Variants in DLGAP1 observed in about 807,000 individuals in gnomAD.
DLGAP1 encodes DLG associated protein 1.
DLGAP1 carries 11 observed loss-of-function variants against 90.8 expected under a neutral mutation model. The observed-to-expected ratio is 0.12, with a 90% CI of 0.08 to 0.20. The LOEUF (loss-of-function observed/expected upper bound fraction) is 0.20, where lower values mean the gene tolerates loss of function less well. DLGAP1 is among the 10% of genes least tolerant of loss of function. DLGAP1 has a pLI of 1.00. For synonymous variants in DLGAP1, 558 were observed against 540.7 expected (o/e 1.03, Z -0.44); for missense variants, 1,050 against 1,333.8 (o/e 0.79, Z 3.31).
intron 7 of DLGAP1, among the ~76,000 whole-genome samples, chr18:3,712,609 G>A (rs1216483366): frequency 1.3e-5 from 2 of 152,234 alleles, no homozygotes; most frequent in African/African-American, 4.8e-5. Flanking sequence ...ATTACAGGGA[G>A]ACAATATGGT....
intron 5 of DLGAP1, among the ~76,000 whole-genome samples, chr18:3,749,120 C>T (rs2063387935): frequency 6.6e-6 from 1 of 151,120 alleles, no homozygotes; most frequent in African/African-American, 2.4e-5. Flanking sequence ...TCCTCCTCCT[C>T]CTCTTCCTCC....
intron 7 of DLGAP1, among the ~76,000 whole-genome samples, chr18:3,641,442 C>T (rs2058934876): frequency 1.4e-5 from 2 of 147,842 alleles, no homozygotes; most frequent in South Asian, 4.2e-4. Context: ...GAGGCTGAGG[C>T]AGGAGAATCG....
intron 4 of DLGAP1, among the ~76,000 whole-genome samples, chr18:3,849,065 C>T (rs1039083722): frequency 5.3e-5 from 8 of 152,184 alleles, no homozygotes; most frequent in African/African-American, 1.9e-4. Flanking sequence ...TTTCTTTCTG[C>T]CTTTGCAAAC....
At chr18:4,073,757 A>G (rs904100528) in intron 2 of DLGAP1, among the ~76,000 whole-genome samples, 1 of 152,136 alleles carries the variant, frequency 6.6e-6, no homozygotes, top group Non-Finnish European at 1.5e-5. Context: ...ATAGGAGAAG[A>G]TATTTAGATA....
At chr18:3,952,765 G>C (rs1233181414) in intron 3 of DLGAP1, among the ~76,000 whole-genome samples, 1 of 152,188 alleles carries the variant, frequency 6.6e-6, no homozygotes, top group Non-Finnish European at 1.5e-5. Flanking sequence ...AGAGGGTACT[G>C]AACAGTTGTC....
Position 3,634,216 on chromosome 18 carries a change from C to G in DLGAP1, c.1592-51968G>C, listed in dbSNP as rs1202188786. Among the ~76,000 whole-genome samples, 3 of 145,298 alleles carry G rather than the reference C, an allele frequency of 2.1e-5. No homozygotes were observed. The East Asian group carries it at 8.3e-4, about 40-fold the overall frequency. On this transcript the variant is annotated intron_variant, in intron 7 of 12. Transcript: ENST00000315677. Reference sequence around the variant, plus strand: ...TTTAAAATAAGTTATCTTTGAACATCCCCCCCCACTATAAATTTGTATACT... The same window carrying G: ...TTTAAAATAAGTTATCTTTGAACATGCCCCCCCACTATAAATTTGTATACT...
At chr18:3,742,612 G>A in intron 5 of DLGAP1, 100 bp from the exon 6 acceptor site, 1 of 1,361,110 alleles carries the variant, frequency 7.3e-7, no homozygotes, top group Non-Finnish European at 1.0e-6. Context: ...CCTAAATACT[G>A]GGACAAATGA....
chr18:4,188,147 T>G (rs2077332100), intron 1 of DLGAP1, among the ~76,000 whole-genome samples: 1 of 152,162 alleles, frequency 6.6e-6, no homozygotes. Flanking sequence ...TTTCAAAAAT[T>G]TATGTTACCA....
intron 5 of DLGAP1, among the ~76,000 whole-genome samples, chr18:3,806,566 G>C (rs1011954464): frequency 6.6e-6 from 1 of 152,198 alleles, no homozygotes; most frequent in Non-Finnish European, 1.5e-5. Flanking sequence ...GTGAGTGATT[G>C]CATGAATATA....
intron 10 of DLGAP1, among the ~76,000 whole-genome samples, chr18:3,529,567 T>G (rs1942520696): frequency 6.6e-6 from 1 of 152,234 alleles, no homozygotes; most frequent in African/African-American, 2.4e-5. Context: ...ACATATTTAC[T>G]GATCCCCTGT....
intron 7 of DLGAP1, among the ~76,000 whole-genome samples, chr18:3,582,952 C>G (rs953213917): frequency 2.0e-5 from 3 of 150,554 alleles, no homozygotes; most frequent in Admixed American, 1.3e-4. Context: ...GAGGAGGTCT[C>G]TCTGTGTTGC....
intron 7 of DLGAP1, among the ~76,000 whole-genome samples, chr18:3,699,617 G>C (rs747344720): frequency 2.6e-5 from 4 of 152,064 alleles, no homozygotes; most frequent in Non-Finnish European, 4.4e-5. Flanking sequence ...ATGGGGGTCA[G>C]GGACCCACTT....
chr18:3,868,870 G>A (rs1170824210), intron 4 of DLGAP1, among the ~76,000 whole-genome samples: 1 of 152,130 alleles, frequency 6.6e-6, no homozygotes, highest in African/African-American at 2.4e-5. Flanking sequence ...GATATACCTG[G>A]CTTAGCGACT....
chr18:4,167,585 T>C (rs902687371), intron 1 of DLGAP1, among the ~76,000 whole-genome samples: 1 of 152,138 alleles, frequency 6.6e-6, no homozygotes, highest in Admixed American at 6.5e-5. Context: ...ATAATCATAG[T>C]TGGGGACTTC....
chr18:4,057,333 G>C, intron 2 of DLGAP1, among the ~76,000 whole-genome samples: 1 of 152,130 alleles, frequency 6.6e-6, no homozygotes. Flanking sequence ...GCTTTAACTG[G>C]TATATGACCT....
intron 2 of DLGAP1, among the ~76,000 whole-genome samples, chr18:4,059,011 A>T (rs2075262803): frequency 6.6e-6 from 1 of 152,244 alleles, no homozygotes; most frequent in Non-Finnish European, 1.5e-5. Context: ...GGCTAGTCTG[A>T]GGCTAACAGA....
intron 2 of DLGAP1, among the ~76,000 whole-genome samples, chr18:4,077,232 A>G (rs1004703172): frequency 2.0e-5 from 3 of 152,196 alleles, no homozygotes; most frequent in African/African-American, 7.2e-5. Flanking sequence ...TTTTGGTGAC[A>G]CCAATTTAAA....
intron 1 of DLGAP1, among the ~76,000 whole-genome samples, chr18:4,279,044 AATC>A (rs753452171): frequency 4.6e-5 from 7 of 152,220 alleles, no homozygotes; most frequent in Non-Finnish European, 1.0e-4. Context: ...GAGAAGCAAA[AATC>A]ATGCTGGAAG....
chr18:4,271,751 A>AT (rs2079289214), intron 1 of DLGAP1, among the ~76,000 whole-genome samples: 1 of 152,132 alleles, frequency 6.6e-6, no homozygotes, highest in South Asian at 2.1e-4. Context: ...CTTCTTAGTG[A>AT]TTTTAACCCA....
Sources: gnomAD v4.1 joint callset for allele counts (sites outside exome capture counted in the v4.1 genomes callset) on GRCh38, gnomAD v4.1.1 for gene constraint, MANE v1.5 for transcripts, NCBI Gene and HGNC (gene_info 2026-07-23, HGNC 2026-07-21) for gene names.